Variants in TEX9 observed in about 807,000 individuals in gnomAD.
The protein encoded by TEX9 is testis expressed 9.
A neutral mutation model predicts 59.6 loss-of-function variants in TEX9; 74 were observed. That is an observed-to-expected ratio of 1.24 (90% CI 1.03 to 1.51). The LOEUF is 1.51. Among genes scored for constraint, TEX9 ranks in the 40% most tolerant of loss-of-function variants. The pLI, the probability that TEX9 is intolerant of heterozygous loss-of-function variation, is 0.00. For missense variants in TEX9, 522 were observed against 447.8 expected (o/e 1.17, Z -1.49); for synonymous variants, 186 against 152.2 (o/e 1.22, Z -1.64).
chr15:56,368,463 T>C (rs1366073017), intron 2 of TEX9, among the ~76,000 whole-genome samples: 1 of 152,122 alleles, frequency 6.6e-6, no homozygotes, highest in Non-Finnish European at 1.5e-5. Flanking sequence ...TTTTCCTTTT[T>C]TGATTCTTTT....
intron 1 of TEX9, among the ~76,000 whole-genome samples, chr15:56,314,687 T>A (rs1266724791): frequency 2.0e-5 from 3 of 152,132 alleles, no homozygotes; most frequent in African/African-American, 7.2e-5. Flanking sequence ...AGAGCTGAGT[T>A]CAATTCCTGG....
intron 10 of TEX9, among the ~76,000 whole-genome samples, chr15:56,413,652 G>T (rs7496402): frequency 0.34 from 51,710 of 151,140 alleles, 10,229 homozygotes; most frequent in Non-Finnish European, 0.45. Flanking sequence ...TACCATATTT[G>T]TTTTTCTTTA....
chr15:56,425,448 C>G (rs1393983624), intron 10 of TEX9, among the ~76,000 whole-genome samples: 2 of 152,128 alleles, frequency 1.3e-5, no homozygotes, highest in African/African-American at 4.8e-5. Flanking sequence ...TTCAAATGAC[C>G]TGTCTGAAAG....
chr15:56,262,806 A>G (rs1437429689), intron 1 of TEX9, among the ~76,000 whole-genome samples: 1 of 152,074 alleles, frequency 6.6e-6, no homozygotes, highest in Non-Finnish European at 1.5e-5. Flanking sequence ...AAAATTTAGG[A>G]TTGTTGTGTT....
At chr15:56,315,786 A>G (rs1262301250) in intron 1 of TEX9, among the ~76,000 whole-genome samples, 40 of 147,218 alleles carry the variant, frequency 2.7e-4, no homozygotes, top group Non-Finnish European at 5.7e-4. Flanking sequence ...TTTCAGGTAC[A>G]CCAATCAGAT....
intron 12 of TEX9, chr15:56,445,646 C>T (rs531365727): frequency 2.2e-4 from 33 of 151,534 alleles, no homozygotes; most frequent in South Asian, 4.2e-4. Context: ...ACACACTTAC[C>T]GAAAACAATG....
At chr15:56,388,549 A>G (rs1215547334) in intron 5 of TEX9, 29 bp downstream of exon 5, 8 of 1,584,798 alleles carry the variant, frequency 5.0e-6, no homozygotes, top group African/African-American at 4.0e-5. Flanking sequence ...TGTGAATGCA[A>G]TTATATTCTG....
At chr15:56,454,898 G>A in the TEX9 span, among the ~76,000 whole-genome samples, 1 of 152,090 alleles carries the variant, frequency 6.6e-6, no homozygotes, top group South Asian at 2.1e-4. Context: ...ATCTAATTCT[G>A]TATTATTGAA....
intron 1 of TEX9, among the ~76,000 whole-genome samples, chr15:56,281,348 G>A (rs184674373): frequency 1.3e-5 from 2 of 152,358 alleles, no homozygotes; most frequent in African/African-American, 4.8e-5. Flanking sequence ...GAACTGGGCT[G>A]CACAGCAGGA....
chr15:56,276,122 G>T lies in TEX9; in HGVS notation c.-107+31844G>T, dbSNP rs547656365. Among the ~76,000 whole-genome samples the T allele has an allele frequency of 2.0e-5, 3 of 151,744 alleles. No homozygotes were observed. The South Asian group carries it at 6.2e-4, about 32-fold the overall frequency. Reference sequence around the variant, plus strand: ...AATATTCTTGGGTGTGGTCTCCTTTGTATTTTTCTTGGACTTCTCTAAACT... The same window carrying T: ...AATATTCTTGGGTGTGGTCTCCTTTTTATTTTTCTTGGACTTCTCTAAACT... On this transcript the variant is annotated intron_variant, in intron 1 of 5. Transcript: ENST00000560827.
At chr15:56,269,657 T>TC (rs1596055226) in intron 1 of TEX9, among the ~76,000 whole-genome samples, 1 of 148,766 alleles carries the variant, frequency 6.7e-6, no homozygotes, top group Non-Finnish European at 1.5e-5. Flanking sequence ...TCTTTTCTTT[T>TC]TTTTTTTTTT....
chr15:56,380,272 A>G (rs2047664570), intron 3 of TEX9, among the ~76,000 whole-genome samples: 1 of 152,166 alleles, frequency 6.6e-6, no homozygotes, highest in Non-Finnish European at 1.5e-5. Context: ...CGCTGATTGC[A>G]TAAACAAACA....
intron 1 of TEX9, among the ~76,000 whole-genome samples, chr15:56,345,775 C>T (rs1477781586): frequency 1.3e-5 from 2 of 152,160 alleles, no homozygotes; most frequent in East Asian, 3.8e-4. Context: ...GGCCCAAGCA[C>T]AGAGAAGACT....
At chr15:56,286,895 T>C (rs1596066447) in intron 1 of TEX9, among the ~76,000 whole-genome samples, 2 of 152,298 alleles carry the variant, frequency 1.3e-5, no homozygotes, top group East Asian at 3.9e-4. Context: ...TTTTAACTAT[T>C]TCACTAATAT....
chr15:56,417,780 A>C (rs1420198246), intron 10 of TEX9, among the ~76,000 whole-genome samples: 3 of 151,692 alleles, frequency 2.0e-5, no homozygotes, highest in Non-Finnish European at 4.4e-5. Flanking sequence ...AATACTATGG[A>C]GAGTTGAAGT....
chr15:56,408,048 G>T (rs1179441414), intron 9 of TEX9, among the ~76,000 whole-genome samples: 1 of 152,140 alleles, frequency 6.6e-6, no homozygotes, highest in African/African-American at 2.4e-5. Flanking sequence ...ACATTTCATA[G>T]AATCATTCAT....
chr15:56,307,982 T>G (rs1470629133), intron 1 of TEX9, among the ~76,000 whole-genome samples: 1 of 152,236 alleles, frequency 6.6e-6, no homozygotes, highest in African/African-American at 2.4e-5. Flanking sequence ...ATTCAGTAGT[T>G]GATGAACAAT....
chr15:56,412,374 A>C (rs1179626037), exon 10 of TEX9: 9 of 1,613,452 alleles, frequency 5.6e-6, no homozygotes, highest in Non-Finnish European at 7.6e-6. Flanking sequence ...TCGCTTGAAT[A>C]GAGCTCTAGA....
At chr15:56,284,819 A>T (rs975295881) in intron 1 of TEX9, among the ~76,000 whole-genome samples, 4 of 152,150 alleles carry the variant, frequency 2.6e-5, no homozygotes, top group Non-Finnish European at 5.9e-5. Flanking sequence ...CATAGGACTT[A>T]AGTAGTGCCC....
Sources: allele counts gnomAD v4.1 joint callset (sites outside exome capture counted in the v4.1 genomes callset), GRCh38; gene constraint gnomAD v4.1.1; transcripts MANE v1.5; gene names NCBI Gene and HGNC (gene_info 2026-07-23, HGNC 2026-07-21).